Variants in AKR1C3 observed in about 807,000 individuals in gnomAD.
AKR1C3 encodes the protein 3-alpha hydroxysteroid dehydrogenase, type II.
AKR1C3 carries 48 observed loss-of-function variants against 43.6 expected under a neutral mutation model. The observed-to-expected ratio is 1.10, with a 90% CI of 0.87 to 1.40. The LOEUF (loss-of-function observed/expected upper bound fraction) is 1.40. AKR1C3 is among the 40% of genes most tolerant of loss of function. The pLI, the probability that AKR1C3 is intolerant of heterozygous loss-of-function variation, is 0.00. For synonymous variants in AKR1C3, 162 were observed against 139.6 expected, an observed-to-expected ratio of 1.16 and a Z score of -1.13; for missense variants, 482 against 391.2, an observed-to-expected ratio of 1.23 and a Z score of -1.96.
At chr10:5,051,455 T>C (rs933635920) in intron 1 of AKR1C3, among the ~76,000 whole-genome samples, 1 of 152,248 alleles carries the variant, frequency 6.6e-6, no homozygotes, top group Non-Finnish European at 1.5e-5. Flanking sequence ...TAATTTATTA[T>C]TTTGATAATA....
chr10:5,065,706 G>A (rs1838487394), intron 1 of AKR1C3, among the ~76,000 whole-genome samples: 1 of 152,190 alleles, frequency 6.6e-6, no homozygotes, highest in Non-Finnish European at 1.5e-5. Context: ...CTATGTAAAT[G>A]AAGAGGACAA....
chr10:5,068,299 A>AT (rs1284469291), intron 1 of AKR1C3, among the ~76,000 whole-genome samples: 1 of 152,162 alleles, frequency 6.6e-6, no homozygotes, highest in East Asian at 1.9e-4. Context: ...CATTTTGGTG[A>AT]TCCCATGTAC....
chr10:5,078,482 T>G (rs566243804), intron 1 of AKR1C3, among the ~76,000 whole-genome samples: 1 of 152,072 alleles, frequency 6.6e-6, no homozygotes, highest in African/African-American at 2.4e-5. Context: ...AAAAGCGAGA[T>G]AGTTTGTGGC....
upstream of AKR1C3, among the ~76,000 whole-genome samples, chr10:5,090,230 C>T (rs1232236011): frequency 6.6e-6 from 1 of 152,042 alleles, no homozygotes; most frequent in Non-Finnish European, 1.5e-5. Flanking sequence ...GCTGGAGTAG[C>T]TTAATTACCT....
chr10:5,066,140 G>T (rs111554841), intron 1 of AKR1C3, among the ~76,000 whole-genome samples: 1 of 152,080 alleles, frequency 6.6e-6, no homozygotes, highest in Non-Finnish European at 1.5e-5. Context: ...CTATGCTGTC[G>T]AGAATGTTTG....
At chr10:5,071,406 C>A (rs914526587) in intron 1 of AKR1C3, among the ~76,000 whole-genome samples, 2 of 152,120 alleles carry the variant, frequency 1.3e-5, no homozygotes, top group Admixed American at 6.5e-5. Context: ...GCATGAGGAC[C>A]AAATCAAATA....
chr10:5,092,938 T>A (rs11592217), upstream of AKR1C3, among the ~76,000 whole-genome samples: 1 of 152,244 alleles, frequency 6.6e-6, no homozygotes, highest in African/African-American at 2.4e-5. Context: ...TTCTGTGTCA[T>A]GACGATTATC....
chr10:5,075,210 T>A (rs1036746260), intron 1 of AKR1C3, among the ~76,000 whole-genome samples: 4 of 151,196 alleles, frequency 2.6e-5, no homozygotes, highest in South Asian at 2.1e-4. Flanking sequence ...ATTTTTTTTT[T>A]ATAAACTTAG....
At chr10:5,100,964 G>T (rs1482990099) in intron 5 of AKR1C3, among the ~76,000 whole-genome samples, 1 of 152,142 alleles carries the variant, frequency 6.6e-6, no homozygotes, top group Non-Finnish European at 1.5e-5. Flanking sequence ...TTGGAAAGAT[G>T]ACAATTCACC....
chr10:5,094,020 GTTAA>G (rs1839152465), upstream of AKR1C3: 2 of 153,398 alleles, frequency 1.3e-5, no homozygotes, highest in East Asian at 3.8e-4. Flanking sequence ...ACGTAAGATG[GTTAA>G]TTATTTCAAA....
At chr10:5,084,817 G>T (rs1464489395) in intron 1 of AKR1C3, among the ~76,000 whole-genome samples, 2 of 152,068 alleles carry the variant, frequency 1.3e-5, no homozygotes, top group Non-Finnish European at 2.9e-5. Flanking sequence ...GGATTCCTAG[G>T]TATTTTATTC....
At chr10:5,081,667 C>T (rs1313075156) in intron 1 of AKR1C3, 1 of 152,210 alleles carries the variant, frequency 6.6e-6, no homozygotes, top group Non-Finnish European at 1.5e-5. Flanking sequence ...AATCCTGATT[C>T]TGCCTCCTTT....
At chr10:5,073,398 G>C (rs1440745518) in intron 1 of AKR1C3, among the ~76,000 whole-genome samples, 1 of 152,104 alleles carries the variant, frequency 6.6e-6, no homozygotes, top group Non-Finnish European at 1.5e-5. Flanking sequence ...TCCCAAATTA[G>C]GTAAAAGATT....
At chr10:5,096,779 C>T (rs1839217045) in intron 2 of AKR1C3, among the ~76,000 whole-genome samples, 1 of 152,092 alleles carries the variant, frequency 6.6e-6, no homozygotes, top group Non-Finnish European at 1.5e-5. Context: ...AATTTATGAC[C>T]TGAAAGTCCC....
chr10:5,064,410 G>T (rs1407123587), intron 1 of AKR1C3, among the ~76,000 whole-genome samples: 3 of 152,106 alleles, frequency 2.0e-5, no homozygotes, highest in Admixed American at 2.0e-4. Flanking sequence ...TAAGTTTTAA[G>T]CCTAAAACTA....
intron 1 of AKR1C3, among the ~76,000 whole-genome samples, chr10:5,060,449 A>G (rs1421702163): frequency 6.6e-6 from 1 of 152,224 alleles, no homozygotes; most frequent in African/African-American, 2.4e-5. Flanking sequence ...CAGAGTAGTT[A>G]GATACAGAGT....
chr10:5,103,763 A>G (rs782526482), intron 7 of AKR1C3, among the ~76,000 whole-genome samples: 2 of 152,170 alleles, frequency 1.3e-5, no homozygotes, highest in Non-Finnish European at 2.9e-5. Context: ...TATTACCCAC[A>G]TTACAGGACA....
At chr10:5,061,346 A>G (rs1486057315) in intron 1 of AKR1C3, among the ~76,000 whole-genome samples, 2 of 152,164 alleles carry the variant, frequency 1.3e-5, no homozygotes, top group African/African-American at 4.8e-5. Flanking sequence ...CACAGCATGG[A>G]GTCTGGAGGA....
chr10:5,076,535 T>C (rs1222056296), intron 1 of AKR1C3, among the ~76,000 whole-genome samples: 1 of 152,180 alleles, frequency 6.6e-6, no homozygotes, highest in East Asian at 1.9e-4. Flanking sequence ...AATTTTGCAG[T>C]TTCCAATGTT....
Sources: gnomAD v4.1 joint callset for allele counts (sites outside exome capture counted in the v4.1 genomes callset) on GRCh38, gnomAD v4.1.1 for gene constraint, MANE v1.5 for transcripts, NCBI Gene and HGNC (gene_info 2026-07-23, HGNC 2026-07-21) for gene names.